Variants in C1QTNF6 observed in about 807,000 individuals in gnomAD.
The protein encoded by C1QTNF6 is C1q and TNF related 6, also known as complement C1q tumor necrosis factor-related protein 6.
C1QTNF6 carries 17 observed loss-of-function variants against 20.7 expected under a neutral mutation model. The observed-to-expected ratio is 0.82, with a 90% confidence interval of 0.56 to 1.23. C1QTNF6 has a LOEUF of 1.23. C1QTNF6 is among the 50% of genes most tolerant of loss of function. The probability of loss-of-function intolerance (pLI) is 0.00; values close to 1 mark genes in which losing one functional copy is unlikely to be tolerated. For synonymous variants in C1QTNF6, 130 were observed against 156.3 expected (o/e 0.83, Z 1.25); for missense variants, 329 against 389.7 (o/e 0.84, Z 1.31).
chr22:37,194,071 G>A (rs903405923), intron 2 of C1QTNF6, among the ~76,000 whole-genome samples: 37 of 152,164 alleles, frequency 2.4e-4, no homozygotes, highest in African/African-American at 8.0e-4. Flanking sequence ...GCTTCCTGTC[G>A]TCTGGATGGT....
intron 2 of C1QTNF6, among the ~76,000 whole-genome samples, chr22:37,193,936 A>C (rs1011822520): frequency 3.3e-5 from 5 of 152,232 alleles, no homozygotes; most frequent in African/African-American, 7.2e-5. Flanking sequence ...AGCCTTAGCT[A>C]CTGAGCCACG....
rs1213127548 is a variant in C1QTNF6 at position 37,182,093 on chromosome 22, C to T, written c.*95G>A. 7.2e-7 allele frequency: 1 copy of T among 1,394,146 alleles called. No individual in the cohort carries two copies. The highest frequency in any genetic ancestry group is 1.5e-5 in the African/African-American group (1 of 68,874). 86.4% of individuals were successfully genotyped at this position (1,394,146 alleles called of 1,614,324 possible). A position where few individuals can be genotyped will look rare whatever the true frequency, so the allele number is the denominator to read the frequency against. Reference sequence around the variant, plus strand: ...AGAATGCCAGGTCCCCGGGGACCTCCCTGGCCTTCCTGCTTCACAGCAGTG... The same window carrying T: ...AGAATGCCAGGTCCCCGGGGACCTCTCTGGCCTTCCTGCTTCACAGCAGTG... On this transcript the variant is annotated 3_prime_UTR_variant, in exon 3 of 3. Coordinates refer to ENST00000337843, the MANE Select transcript of C1QTNF6 (RefSeq NM_031910.4).
chr22:37,186,664 G>A (rs1015317786), intron 1 of C1QTNF6, among the ~76,000 whole-genome samples: 6 of 152,160 alleles, frequency 3.9e-5, no homozygotes, highest in Non-Finnish European at 7.3e-5. Flanking sequence ...AGGAAGCCGG[G>A]CAAAAAGACC....
chr22:37,198,416 C>G (rs1236043669), upstream of C1QTNF6: 1 of 152,104 alleles, frequency 6.6e-6, no homozygotes, highest in Admixed American at 6.5e-5. Context: ...ACGTTCCAGC[C>G]CAGGGTCAGG....
chr22:37,182,836 GAGA>G lies in C1QTNF6; in HGVS notation c.290-104_290-102del, dbSNP rs200727319. The G allele has an allele frequency of 1.1e-3, 1,580 of 1,456,178 alleles. 12 individuals carry two copies. The African/African-American group carries it at 0.02, about 19-fold the overall frequency. The allele number at this position is 1,456,178 out of a possible 1,614,324, so 90.2% of individuals were successfully genotyped here. A position where few individuals can be genotyped will look rare whatever the true frequency, so the allele number is the denominator to read the frequency against. ...ACGGCTCTGCCCCTGTCCTGGCCCA[GAGA>G]AGAAGCCAGCATTTATTTAGCACCT... On this transcript the variant is annotated intron_variant, in intron 2 of 2. Coordinates refer to ENST00000337843, the MANE Select transcript of C1QTNF6 (RefSeq NM_031910.4).
Position 37,184,496 on chromosome 22 carries a change from A to T in C1QTNF6, c.289+722T>A. On this transcript the variant is annotated intron_variant, in intron 2 of 2. Transcript: ENST00000337843. The surrounding 1 kb of genome is among the most constrained non-coding windows in gnomAD (Gnocchi z 4.0). ...GACGGCCCTCACCTGGATGCCTTTC[A>T]CCTGGACGGGCCCTCACCTGGACAG... 1.5e-6 allele frequency: 1 copy of T among 668,208 alleles called. No homozygotes were observed. The highest frequency in any genetic ancestry group is 2.8e-6 in the Non-Finnish European group (1 of 361,146). The allele number at this position is 668,208 out of a possible 1,614,324, so 41.4% of individuals were successfully genotyped here. A position where few individuals can be genotyped will look rare whatever the true frequency, so the allele number is the denominator to read the frequency against.
At chr22:37,188,104 G>A in intron 1 of C1QTNF6, 59 bp downstream of exon 1, 2 of 1,542,200 alleles carry the variant, frequency 1.3e-6, no homozygotes, top group Non-Finnish European at 1.8e-6. Flanking sequence ...AAGGAGGGAG[G>A]AGAGGAATTC....
Position 37,182,617 on chromosome 22 carries a change from G to A in C1QTNF6, c.408C>T (p.Gly136=), listed in dbSNP as rs113314556. 19 of 1,613,518 alleles carry A rather than the reference G, an allele frequency of 1.2e-5. No homozygotes were observed. Among genetic ancestry groups the A allele is most frequent in the East Asian group, 6.7e-5 (3 of 44,872 alleles). ...KGDKGEMGSP[G]APCQKRFFAF... is the part of the protein sequence containing the mutation. ...CGAAGAAGCGCTTCTGGCACGGGGC[G>A]CCGGGGCTGCCCATCTCCCCCTTGT... The change falls in exon 3 of 3, where the codon GGC becomes GGT. Residue 136 remains glycine, a synonymous_variant. Coordinates refer to ENST00000337843, the MANE Select transcript of C1QTNF6 (RefSeq NM_031910.4).
At chr22:37,188,314 A>AGGAGGGGATGGAGGGAGAGG, upstream of C1QTNF6, 4 of 690,200 alleles carry the variant, frequency 5.8e-6, no homozygotes, top group South Asian at 4.7e-5. Context: ...GGAGGGAGAG[A>AGGAGGGGATGGAGGGAGAGG]GGGCGGAGGG....
At chr22:37,191,075 T>C (rs572355429), upstream of C1QTNF6, 2 of 152,180 alleles carry the variant, frequency 1.3e-5, no homozygotes, top group African/African-American at 4.8e-5. Flanking sequence ...TGGATGATGT[T>C]TTCTTTTTCT....
upstream of C1QTNF6, chr22:37,198,315 G>C (rs535522376): frequency 6.6e-6 from 1 of 152,238 alleles, no homozygotes; most frequent in South Asian, 2.1e-4. Flanking sequence ...GTAGGCACAC[G>C]TGTTACCTCG....
chr22:37,191,265 T>C (rs1461914034), upstream of C1QTNF6, among the ~76,000 whole-genome samples: 1 of 152,176 alleles, frequency 6.6e-6, no homozygotes, highest in Non-Finnish European at 1.5e-5. Flanking sequence ...TAAATTAACA[T>C]CATAACAATT....
upstream of C1QTNF6, among the ~76,000 whole-genome samples, chr22:37,189,064 A>C (rs1924635287): frequency 6.6e-6 from 1 of 152,160 alleles, no homozygotes; most frequent in South Asian, 2.1e-4. Context: ...ATTATTCATG[A>C]GTTTTCCAGG....
At chr22:37,185,851 A>T (rs1924278353) in intron 1 of C1QTNF6, 1 of 992,118 alleles carries the variant, frequency 1.0e-6, no homozygotes, top group African/African-American at 1.7e-5. Context: ...AGACCGTCAG[A>T]TGCTTTCCCG....
At chr22:37,186,293 G>A (rs1924334689) in intron 1 of C1QTNF6, among the ~76,000 whole-genome samples, 1 of 152,218 alleles carries the variant, frequency 6.6e-6, no homozygotes, top group African/African-American at 2.4e-5. Context: ...GATGCTGAGG[G>A]TGTGCAGCTT....
upstream of C1QTNF6, among the ~76,000 whole-genome samples, chr22:37,199,111 A>G (rs888064949): frequency 1.2e-4 from 18 of 152,118 alleles, no homozygotes; most frequent in Non-Finnish European, 2.4e-4. Flanking sequence ...AGGGGCAGCA[A>G]CTTCCTCCCC....
upstream of C1QTNF6, among the ~76,000 whole-genome samples, chr22:37,193,008 A>T (rs1367178260): frequency 6.6e-6 from 1 of 152,136 alleles, no homozygotes; most frequent in Non-Finnish European, 1.5e-5. Flanking sequence ...AAAGAGAGGG[A>T]ATCAGCCCAT....
At chr22:37,189,874 G>A (rs1412169311), upstream of C1QTNF6, among the ~76,000 whole-genome samples, 1 of 152,154 alleles carries the variant, frequency 6.6e-6, no homozygotes, top group Non-Finnish European at 1.5e-5. Context: ...GTGACTTATC[G>A]GGTAAAATGA....
intron 1 of C1QTNF6, chr22:37,186,059 A>G: frequency 1.0e-6 from 1 of 985,512 alleles, no homozygotes; most frequent in Non-Finnish European, 1.2e-6. Context: ...GAAAAAAAAG[A>G]GATAAGAGAG....
Sources: gnomAD v4.1 joint callset for allele counts (sites outside exome capture counted in the v4.1 genomes callset) on GRCh38, gnomAD v4.1.1 for gene constraint, Gnocchi (gnomAD v3.1) non-coding constraint, MANE v1.5 for transcripts, NCBI Gene and HGNC (gene_info 2026-07-23, HGNC 2026-07-21) for gene names.